IMMP2L: variants seen among roughly 807,000 people sequenced by gnomAD.
IMMP2L encodes inner mitochondrial membrane peptidase subunit 2.
IMMP2L carries 18 observed loss-of-function variants against 19.3 expected under a neutral mutation model. That is an observed-to-expected ratio of 0.93 (90% CI 0.64 to 1.38). The LOEUF is 1.38. IMMP2L is among the 40% of genes most tolerant of loss of function. The pLI, the probability that IMMP2L is intolerant of heterozygous loss-of-function variation, is 0.00. For missense variants in IMMP2L, 233 were observed against 218.2 expected (o/e 1.07, Z -0.43); for synonymous variants, 76 against 73.0 (o/e 1.04, Z -0.21).
At chr7:111,484,372 T>A (rs1842445394) in intron 3 of IMMP2L, among the ~76,000 whole-genome samples, 1 of 152,184 alleles carries the variant, frequency 6.6e-6, no homozygotes, top group African/African-American at 2.4e-5. Context: ...AATGGTGTAT[T>A]ACCACACATT....
rs370129100 is a variant in IMMP2L at position 110,726,090 on chromosome 7, A to T, written c.409-62369T>A. On this transcript the variant is annotated intron_variant, in intron 5 of 5. Coordinates refer to ENST00000405709, the MANE Select transcript of IMMP2L (RefSeq NM_032549.4). ...GCTGGAATTTGATCCAAATGGTCTA[A>T]CCCCGGACTCTGTGCATAACTCCTA... Among the ~76,000 whole-genome samples the T allele has an allele frequency of 4.6e-5, 7 of 152,310 alleles. No homozygotes were observed. In the East Asian group the frequency reaches 1.3e-3, roughly 29 times the overall value.
chr7:111,418,338 T>C (rs1183665724), intron 3 of IMMP2L, among the ~76,000 whole-genome samples: 1 of 151,824 alleles, frequency 6.6e-6, no homozygotes, highest in Non-Finnish European at 1.5e-5. Flanking sequence ...AATTATGTCT[T>C]GATTAAAATA....
At chr7:110,861,705 T>C (rs551283376) in intron 5 of IMMP2L, among the ~76,000 whole-genome samples, 2 of 145,716 alleles carry the variant, frequency 1.4e-5, no homozygotes, top group East Asian at 3.9e-4. Flanking sequence ...AAAATACTAC[T>C]GAAAGGTCCC....
intron 1 of IMMP2L, among the ~76,000 whole-genome samples, chr7:111,546,118 T>C (rs1455691156): frequency 6.6e-6 from 1 of 152,094 alleles, no homozygotes; most frequent in Non-Finnish European, 1.5e-5. Context: ...TCCAGTCCCC[T>C]AAGGATGGGC....
At chr7:110,874,079 G>T (rs932713810) in intron 5 of IMMP2L, among the ~76,000 whole-genome samples, 1 of 152,078 alleles carries the variant, frequency 6.6e-6, no homozygotes. Flanking sequence ...ATATACAAAT[G>T]ATTTTGTTTT....
intron 3 of IMMP2L, among the ~76,000 whole-genome samples, chr7:111,444,118 G>C (rs528746294): frequency 6.6e-6 from 1 of 152,086 alleles, no homozygotes; most frequent in South Asian, 2.1e-4. Context: ...AAATAAGGTT[G>C]TTACTTTTTT....
chr7:111,360,725 G>A (rs1554465529), intron 3 of IMMP2L, among the ~76,000 whole-genome samples: 1 of 152,056 alleles, frequency 6.6e-6, no homozygotes, highest in South Asian at 2.1e-4. Context: ...TGCTGAGGCA[G>A]GAGAATCACT....
intron 3 of IMMP2L, among the ~76,000 whole-genome samples, chr7:111,103,252 A>G (rs1312825475): frequency 6.6e-6 from 1 of 151,592 alleles, no homozygotes; most frequent in Non-Finnish European, 1.5e-5. Context: ...TAATAATTGT[A>G]CTTCTTTATC....
intron 5 of IMMP2L, among the ~76,000 whole-genome samples, chr7:110,714,472 G>A (rs888709281): frequency 1.3e-5 from 2 of 152,108 alleles, no homozygotes; most frequent in African/African-American, 2.4e-5. Flanking sequence ...GAATGAGTTA[G>A]GGAAGAATTC....
chr7:110,984,291 C>CA (rs570938609), intron 3 of IMMP2L, among the ~76,000 whole-genome samples: 4,665 of 130,220 alleles, frequency 0.036, 197 homozygotes, highest in African/African-American at 0.11. Flanking sequence ...TACTTATCAC[C>CA]AAAAAAAAAA....
chr7:111,071,233 A>G (rs1794920857), intron 3 of IMMP2L, among the ~76,000 whole-genome samples: 1 of 152,140 alleles, frequency 6.6e-6, no homozygotes, highest in Admixed American at 6.5e-5. Flanking sequence ...AACAAAAAAT[A>G]AAGACTACTG....
intron 3 of IMMP2L, among the ~76,000 whole-genome samples, chr7:111,276,471 A>G (rs1025100008): frequency 2.0e-5 from 3 of 152,084 alleles, no homozygotes; most frequent in East Asian, 1.9e-4. Context: ...AGAGTAAGTT[A>G]GGAAGAATTC....
chr7:111,344,902 G>T (rs1193896479), intron 3 of IMMP2L, among the ~76,000 whole-genome samples: 4 of 152,052 alleles, frequency 2.6e-5, no homozygotes, highest in African/African-American at 9.7e-5. Flanking sequence ...AAAATGAAGT[G>T]GCACCTAAAG....
chr7:110,906,947 G>A (rs1390052879), intron 4 of IMMP2L, among the ~76,000 whole-genome samples: 1 of 152,056 alleles, frequency 6.6e-6, no homozygotes, highest in Admixed American at 6.6e-5. Context: ...ACCACTTGCA[G>A]GACAGGGAGC....
At chr7:111,397,036 T>G (rs919180327) in intron 3 of IMMP2L, among the ~76,000 whole-genome samples, 2 of 151,688 alleles carry the variant, frequency 1.3e-5, no homozygotes, top group African/African-American at 4.8e-5. Context: ...TGCAGTGAGC[T>G]GAGATCGCGC....
intron 2 of IMMP2L, among the ~76,000 whole-genome samples, chr7:111,510,333 G>A (rs1329415989): frequency 2.0e-5 from 3 of 152,084 alleles, no homozygotes; most frequent in African/African-American, 7.2e-5. Flanking sequence ...ATCCCCTGCG[G>A]CATCGTGTCC....
intron 3 of IMMP2L, among the ~76,000 whole-genome samples, chr7:111,229,170 G>C (rs1392164319): frequency 6.6e-6 from 1 of 151,874 alleles, no homozygotes; most frequent in Non-Finnish European, 1.5e-5. Context: ...TTTCCACACT[G>C]ATGACAGATA....
In IMMP2L at chr7:111,123,805, G is replaced by C. The variant is rs1335162607; in HGVS notation, c.240-160240C>G. 1 of 1,613,978 alleles carries C rather than the reference G, an allele frequency of 6.2e-7. No homozygotes were observed. On this transcript the variant is annotated intron_variant, in intron 3 of 5. Transcript: ENST00000405709. The surrounding 1 kb of genome is among the most constrained non-coding windows in gnomAD (Gnocchi z 6.4). The stretch of plus-strand genomic sequence containing the variant: ...GGAATCACTCATGCTGAACAGCAAT[G>C]CTCTCAGTGCCCTGTACCATGGTAC...
chr7:110,945,394 C>G (rs1563101322), intron 4 of IMMP2L, among the ~76,000 whole-genome samples: 2 of 151,876 alleles, frequency 1.3e-5, no homozygotes, highest in Admixed American at 1.3e-4. Context: ...GCCTGGTAAC[C>G]CATCTTCCTG....
Sources: gnomAD v4.1 joint callset for allele counts (sites outside exome capture counted in the v4.1 genomes callset) on GRCh38, gnomAD v4.1.1 for gene constraint, Gnocchi (gnomAD v3.1) non-coding constraint, MANE v1.5 for transcripts, NCBI Gene and HGNC (gene_info 2026-07-23, HGNC 2026-07-21) for gene names.